Variants in RANBP2 observed in about 807,000 individuals in gnomAD.
RANBP2 encodes E3 SUMO-protein ligase RanBP2.
In RANBP2, 57 loss-of-function variants were observed where a neutral mutation model predicts 303.6. The ratio of observed to expected loss-of-function variants is 0.19; its 90% CI spans 0.15 to 0.23. RANBP2 has a LOEUF of 0.23. Ranked by LOEUF, RANBP2 falls within the 10% of genes least tolerant of loss-of-function variation. The pLI, the probability that RANBP2 is intolerant of heterozygous loss-of-function variation, is 1.00. For missense variants in RANBP2, 3,138 were observed against 3,780.8 expected, an observed-to-expected ratio of 0.83 and a Z score of 4.46; for synonymous variants, 1,167 against 1,301.5, an observed-to-expected ratio of 0.90 and a Z score of 2.23.
chr2:109,232,479 G>A, the RANBP2 span, among the ~76,000 whole-genome samples: 2 of 152,156 alleles, frequency 1.3e-5, no homozygotes, highest in African/African-American at 4.8e-5. Flanking sequence ...CACCTGTCCC[G>A]TAGGGTGCTT....
chr2:109,349,684 G>A, the RANBP2 span, among the ~76,000 whole-genome samples: 10 of 152,222 alleles, frequency 6.6e-5, no homozygotes, highest in Non-Finnish European at 1.2e-4. Context: ...CTCCTCCAGG[G>A]GCCTCACAGG....
the RANBP2 span, among the ~76,000 whole-genome samples, chr2:109,188,439 C>T: frequency 6.6e-6 from 1 of 152,222 alleles, no homozygotes; most frequent in Non-Finnish European, 1.5e-5. Context: ...ATCCACACAA[C>T]AGGTGTGGAT....
At chr2:109,202,694 C>T in the RANBP2 span, among the ~76,000 whole-genome samples, 5 of 152,216 alleles carry the variant, frequency 3.3e-5, no homozygotes, top group African/African-American at 1.2e-4. Context: ...CCTTCTCTCC[C>T]TGAGCCTCAG....
the RANBP2 span, among the ~76,000 whole-genome samples, chr2:108,983,144 G>A: frequency 1.3e-5 from 2 of 152,130 alleles, no homozygotes; most frequent in African/African-American, 4.8e-5. Flanking sequence ...CACGCTTCTT[G>A]GAGATACAGG....
chr2:109,339,717 A>C, the RANBP2 span, among the ~76,000 whole-genome samples: 3 of 152,192 alleles, frequency 2.0e-5, no homozygotes, highest in African/African-American at 4.8e-5. Context: ...CCATTATCAG[A>C]ACATGCCTGG....
the RANBP2 span, among the ~76,000 whole-genome samples, chr2:109,706,093 C>T: frequency 5.3e-5 from 8 of 152,242 alleles, no homozygotes; most frequent in South Asian, 2.1e-4. Context: ...TTCTCATGAC[C>T]GACACCTGGT....
At chr2:109,659,068 G>A in the RANBP2 span, among the ~76,000 whole-genome samples, 4 of 130,874 alleles carry the variant, frequency 3.1e-5, no homozygotes, top group African/African-American at 8.9e-5. Flanking sequence ...CCGCCCCCCC[G>A]CCAAAAAATA....
chr2:109,043,651 C>T, the RANBP2 span, among the ~76,000 whole-genome samples: 1 of 152,118 alleles, frequency 6.6e-6, no homozygotes. Context: ...TATTTTTAAG[C>T]AATCACAAGC....
At chr2:109,297,437 T>G in the RANBP2 span, among the ~76,000 whole-genome samples, 4 of 152,076 alleles carry the variant, frequency 2.6e-5, no homozygotes, top group Admixed American at 2.0e-4. Flanking sequence ...GTACCCACCC[T>G]GGGCATACCT....
the RANBP2 span, among the ~76,000 whole-genome samples, chr2:108,985,036 C>T: frequency 6.6e-6 from 1 of 152,172 alleles, no homozygotes; most frequent in Middle Eastern, 3.2e-3. Context: ...TTTTTGCTTG[C>T]AGTCTGGTTT....
the RANBP2 span, among the ~76,000 whole-genome samples, chr2:109,199,612 T>TAC: frequency 6.0e-3 from 2 of 336 alleles, no homozygotes; most frequent in African/African-American, 8.8e-3. Context: ...TGGAATGGAA[T>TAC]GGAATGGAAT....
At chr2:108,890,232 C>CTTTTTTTTT in the RANBP2 span, among the ~76,000 whole-genome samples, 1 of 114,696 alleles carries the variant, frequency 8.7e-6, no homozygotes, top group African/African-American at 3.5e-5. Flanking sequence ...ATGGGGTTTT[C>CTTTTTTTTT]TTTTTTTTTT....
chr2:109,586,269 G>A, the RANBP2 span, among the ~76,000 whole-genome samples: 1 of 152,158 alleles, frequency 6.6e-6, no homozygotes, highest in Non-Finnish European at 1.5e-5. Context: ...AGTAACTTAG[G>A]TCAAACTTAC....
the RANBP2 span, among the ~76,000 whole-genome samples, chr2:109,526,976 G>C: frequency 2.0e-5 from 3 of 152,210 alleles, no homozygotes; most frequent in African/African-American, 7.2e-5. Flanking sequence ...ACTTGGTGTA[G>C]TGTCTAATGA....
the RANBP2 span, among the ~76,000 whole-genome samples, chr2:109,192,099 T>G: frequency 6.6e-6 from 1 of 152,158 alleles, no homozygotes; most frequent in African/African-American, 2.4e-5. Context: ...AGAAGTCAAC[T>G]TTGGTTAATT....
At chr2:109,236,349 T>C in the RANBP2 span, among the ~76,000 whole-genome samples, 1 of 152,114 alleles carries the variant, frequency 6.6e-6, no homozygotes. Flanking sequence ...CTCCAGAGTG[T>C]GCGAGCATCC....
At chr2:109,545,990 C>A in the RANBP2 span, 1 of 1,512,354 alleles carries the variant, frequency 6.6e-7, no homozygotes, top group Non-Finnish European at 8.8e-7. Context: ...TAGGAAGATC[C>A]GACAGGGCAA....
At chr2:109,283,864 G>C in the RANBP2 span, among the ~76,000 whole-genome samples, 1 of 152,212 alleles carries the variant, frequency 6.6e-6, no homozygotes, top group African/African-American at 2.4e-5. Context: ...GGATGCTGGG[G>C]AGTGAGTATT....
At chr2:109,230,298 A>G in the RANBP2 span, among the ~76,000 whole-genome samples, 1 of 152,148 alleles carries the variant, frequency 6.6e-6, no homozygotes, top group Non-Finnish European at 1.5e-5. Context: ...AACCCTGGCC[A>G]GGCATAGTGC....
Sources: allele counts gnomAD v4.1 joint callset (sites outside exome capture counted in the v4.1 genomes callset), GRCh38; gene constraint gnomAD v4.1.1; transcripts MANE v1.5; gene names NCBI Gene and HGNC (gene_info 2026-07-23, HGNC 2026-07-21).